The following DGKI variants were observed in gnomAD, a reference collection of about 807,000 sequenced individuals.
The protein encoded by DGKI is DAG kinase iota.
In DGKI, 55 loss-of-function variants were observed where a neutral mutation model predicts 147.5. That is an observed-to-expected ratio of 0.37 (90% CI 0.30 to 0.47). The LOEUF (loss-of-function observed/expected upper bound fraction) is 0.47, where lower values mean the gene tolerates loss of function less well. Ranked by LOEUF, DGKI falls within the 20% of genes least tolerant of loss-of-function variation. The pLI is 1.00. For missense variants in DGKI, 1,007 were observed against 1,323.8 expected, an observed-to-expected ratio of 0.76 and a Z score of 3.71; for synonymous variants, 469 against 477.1, an observed-to-expected ratio of 0.98 and a Z score of 0.22.
intron 10 of DGKI, 69 bp downstream of exon 10, chr7:137,608,897 G>A: frequency 8.4e-7 from 1 of 1,191,726 alleles, no homozygotes; most frequent in Non-Finnish European, 1.2e-6. Context: ...TATTTTAATT[G>A]GCAGTGAGAG....
chr7:137,569,889 G>C (rs551746742), intron 19 of DGKI, among the ~76,000 whole-genome samples: 3 of 151,416 alleles, frequency 2.0e-5, no homozygotes, highest in Non-Finnish European at 4.4e-5. Flanking sequence ...GTGTTACAAC[G>C]CTGGAAAGTA....
chr7:137,642,928 T>TTGTG lies in DGKI; in HGVS notation c.804+2543_804+2544insCACA, dbSNP rs1211795511. 2.2e-4 allele frequency among the ~76,000 whole-genome samples: 10 copies of TTGTG among 46,192 alleles called. No individual in the cohort carries two copies. In the South Asian group the frequency reaches 3.8e-3, roughly 18 times the overall value. The allele number at this position is 46,192 out of a possible 152,430, so 30.3% of individuals were successfully genotyped here. A position where few individuals can be genotyped will look rare whatever the true frequency, so the allele number is the denominator to read the frequency against. ...CCATCCCAATGAGTAAATTATGGAA[T>TTGTG]AGTGTGTGTGTGTGTGTGTGTGTGT... On this transcript the variant is annotated intron_variant, in intron 6 of 32. Coordinates refer to ENST00000614521, the MANE Select transcript of DGKI (RefSeq NM_001321708.2).
intron 28 of DGKI, 115 bp from the exon 29 acceptor site, chr7:137,412,322 G>A: frequency 1.0e-6 from 1 of 987,788 alleles, no homozygotes; most frequent in Non-Finnish European, 1.6e-6. Flanking sequence ...AGGAATCAGG[G>A]AAGGAAAATA....
At chr7:137,461,647 TG>T (rs1814447377) in intron 27 of DGKI, among the ~76,000 whole-genome samples, 1 of 152,196 alleles carries the variant, frequency 6.6e-6, no homozygotes, top group Non-Finnish European at 1.5e-5. Flanking sequence ...CTAGTAGAGA[TG>T]ACTTGCCTTT....
chr7:137,490,737 T>C (rs1356994930), intron 21 of DGKI, among the ~76,000 whole-genome samples: 1 of 152,178 alleles, frequency 6.6e-6, no homozygotes, highest in East Asian at 1.9e-4. Flanking sequence ...TTAGGAGTAG[T>C]GAGAGCACTT....
chr7:137,724,713 T>C (rs190184544), intron 1 of DGKI, among the ~76,000 whole-genome samples: 156 of 152,318 alleles, frequency 1.0e-3, no homozygotes, highest in South Asian at 3.3e-3. Flanking sequence ...GATGTGGTTT[T>C]GAACAAATTG....
At chr7:137,439,178 T>C (rs1379504897) in intron 28 of DGKI, among the ~76,000 whole-genome samples, 1 of 152,210 alleles carries the variant, frequency 6.6e-6, no homozygotes, top group East Asian at 1.9e-4. Context: ...ATATATTTTA[T>C]GAATAGTATC....
chr7:137,424,743 AC>A (rs1020562329), intron 28 of DGKI, among the ~76,000 whole-genome samples: 1 of 152,164 alleles, frequency 6.6e-6, no homozygotes, highest in Non-Finnish European at 1.5e-5. Context: ...TATATCTCGC[AC>A]CTGGATTGGA....
chr7:137,814,700 T>C (rs561269697), intron 1 of DGKI, among the ~76,000 whole-genome samples: 1 of 152,254 alleles, frequency 6.6e-6, no homozygotes, highest in Admixed American at 6.5e-5. Flanking sequence ...CATTGAGGTT[T>C]GAAATGAGAC....
chr7:137,618,847 A>G (rs185876010), intron 8 of DGKI, among the ~76,000 whole-genome samples: 2 of 152,180 alleles, frequency 1.3e-5, no homozygotes, highest in African/African-American at 4.8e-5. Context: ...CTGGAAAAAA[A>G]TATCCCAAGG....
chr7:137,535,490 A>G (rs1439262918), intron 20 of DGKI, among the ~76,000 whole-genome samples: 1 of 151,682 alleles, frequency 6.6e-6, no homozygotes, highest in African/African-American at 2.4e-5. Context: ...TTCCCTGCCA[A>G]ACATACCTGG....
chr7:137,423,762 A>G lies in DGKI; in HGVS notation c.2762-11555T>C, dbSNP rs182546157. On this transcript the variant is annotated intron_variant, in intron 28 of 32. Coordinates refer to ENST00000614521, the MANE Select transcript of DGKI (RefSeq NM_001321708.2). ...TAGCAAAGGTCATGTTCAGAGACAT[A>G]CCAGCAAAATGCACATACGGCAAAA... Among the ~76,000 whole-genome samples, 11 of 152,384 alleles carry G rather than the reference A, an allele frequency of 7.2e-5. No homozygotes were observed. In the East Asian group the frequency reaches 1.9e-3, roughly 27 times the overall value.
At position 137,609,575 on chromosome 7, in the gene DGKI, CTCT is replaced by C. The variant is rs1820297555; in HGVS notation, c.1025_1027del (p.Lys342del). ...ACTGGCTTTTCTTTTAAAGCTTGTTCTCTTCTTCTTCCGATTTGAAGCCTTCAG... is the reference window on the plus strand; with the variant it reads ...ACTGGCTTTTCTTTTAAAGCTTGTTCTCTTCTTCCGATTTGAAGCCTTCAG... On this transcript the variant is annotated inframe_deletion, in exon 9 of 33. Coordinates refer to ENST00000614521, the MANE Select transcript of DGKI (RefSeq NM_001321708.2). 7 of 1,613,454 alleles carry C rather than the reference CTCT, an allele frequency of 4.3e-6. No individual in the cohort carries two copies. The highest frequency in any genetic ancestry group is 3.4e-6 in the Non-Finnish European group (4 of 1,179,640).
At chr7:137,746,119 G>C (rs2116730189) in intron 1 of DGKI, among the ~76,000 whole-genome samples, 1 of 152,238 alleles carries the variant, frequency 6.6e-6, no homozygotes, top group South Asian at 2.1e-4. Context: ...GCAGAGATAG[G>C]GGTGTTTCTT....
chr7:137,558,292 ATG>A (rs1818294767), intron 19 of DGKI, among the ~76,000 whole-genome samples: 1 of 151,806 alleles, frequency 6.6e-6, no homozygotes, highest in African/African-American at 2.4e-5. Context: ...TTATTTATTT[ATG>A]TTTGAGATGG....
intron 28 of DGKI, among the ~76,000 whole-genome samples, chr7:137,439,222 T>C (rs953540492): frequency 1.1e-4 from 17 of 152,224 alleles, no homozygotes; most frequent in African/African-American, 4.1e-4. Context: ...AAAAGTGAAT[T>C]GATGAGGTAC....
chr7:137,801,606 C>A (rs1797209915), intron 1 of DGKI, among the ~76,000 whole-genome samples: 1 of 152,184 alleles, frequency 6.6e-6, no homozygotes, highest in African/African-American at 2.4e-5. Context: ...GGCATTATCA[C>A]TCTCTCTGCC....
intron 14 of DGKI, among the ~76,000 whole-genome samples, chr7:137,583,985 A>G (rs148260412): frequency 6.6e-6 from 1 of 152,352 alleles, no homozygotes; most frequent in African/African-American, 2.4e-5. Context: ...AATCTAATTT[A>G]GCCAAGTTAG....
chr7:137,467,855 G>C (rs1814719271), intron 24 of DGKI, among the ~76,000 whole-genome samples: 1 of 151,796 alleles, frequency 6.6e-6, no homozygotes, highest in Non-Finnish European at 1.5e-5. Flanking sequence ...ATAGTGGTGT[G>C]CCCCTGTGGT....
Sources: allele counts gnomAD v4.1 joint callset (sites outside exome capture counted in the v4.1 genomes callset), GRCh38; gene constraint gnomAD v4.1.1; transcripts MANE v1.5; gene names NCBI Gene and HGNC (gene_info 2026-07-23, HGNC 2026-07-21).